The following TMEM108 variants were observed in gnomAD, a reference collection of about 807,000 sequenced individuals.
TMEM108 encodes cancer/testis antigen 124.
TMEM108 carries 12 observed loss-of-function variants against 35.1 expected under a neutral mutation model. The ratio of observed to expected loss-of-function variants is 0.34; its 90% CI spans 0.22 to 0.55. The LOEUF (loss-of-function observed/expected upper bound fraction) is 0.55, where lower values mean the gene tolerates loss of function less well. TMEM108 is among the 20% of genes least tolerant of loss of function. The pLI is 0.89. For missense variants in TMEM108, 680 were observed against 753.3 expected (o/e 0.90, Z 1.14); for synonymous variants, 287 against 308.6 (o/e 0.93, Z 0.73).
At chr3:133,341,384 A>C (rs2071657875) in intron 3 of TMEM108, among the ~76,000 whole-genome samples, 1 of 151,934 alleles carries the variant, frequency 6.6e-6, no homozygotes, top group South Asian at 2.1e-4. Context: ...TTAATGCAAG[A>C]AATTGAAGAG....
intron 2 of TMEM108, among the ~76,000 whole-genome samples, chr3:133,223,002 T>C (rs534499095): frequency 1.1e-4 from 17 of 152,258 alleles, no homozygotes; most frequent in African/African-American, 3.6e-4. Context: ...TAAATTTTTT[T>C]TGTAGAAATG....
At chr3:133,199,763 G>A (rs138605006) in intron 2 of TMEM108, among the ~76,000 whole-genome samples, 6,621 of 152,218 alleles carry the variant, frequency 0.043, 174 homozygotes, top group Non-Finnish European at 0.062. Context: ...CTCAAACTCC[G>A]TGCTGGGAGA....
chr3:133,111,023 A>G (rs1195576640), intron 2 of TMEM108, among the ~76,000 whole-genome samples: 1 of 152,170 alleles, frequency 6.6e-6, no homozygotes, highest in Non-Finnish European at 1.5e-5. Context: ...CTGTTGACCC[A>G]GCTTGTCTCT....
chr3:133,234,255 A>AT (rs1946199404), intron 3 of TMEM108, among the ~76,000 whole-genome samples: 3 of 152,146 alleles, frequency 2.0e-5, no homozygotes, highest in Admixed American at 6.6e-5. Flanking sequence ...AGCTTTCTAC[A>AT]TATGGCTAGC....
rs1255308187 is a variant in TMEM108, at chr3:133,380,507, CCCA to C, written c.805_807del (p.Thr269del). The C allele has an allele frequency of 1.9e-6, 3 of 1,613,894 alleles. No homozygotes were observed. The highest frequency in any genetic ancestry group is 1.7e-5 in the Admixed American group (1 of 60,018). On this transcript the variant is annotated inframe_deletion, in exon 4 of 6. Transcript: ENST00000321871. This position sits in a 1 kb window ranked among gnomAD's most constrained non-coding sequence, Gnocchi z 5.3. ...AGTGCCCAGCAATACCTCATGGGCA[CCCA>C]CCACCACCTCCCTGGGGCCTGCAAA... is the stretch of plus-strand genomic sequence containing the variant.
chr3:133,372,631 G>A (rs764150479), intron 3 of TMEM108, among the ~76,000 whole-genome samples: 1 of 152,200 alleles, frequency 6.6e-6, no homozygotes, highest in South Asian at 2.1e-4. Context: ...TGTACTCTGG[G>A]AAGCAGTTTC....
intron 2 of TMEM108, among the ~76,000 whole-genome samples, chr3:133,086,289 C>T (rs1042316095): frequency 2.0e-4 from 31 of 152,002 alleles, no homozygotes; most frequent in African/African-American, 6.5e-4. Context: ...CTTAATCTCT[C>T]GAGCATTTGA....
chr3:133,296,477 G>A (rs558667854), intron 3 of TMEM108, among the ~76,000 whole-genome samples: 18 of 151,994 alleles, frequency 1.2e-4, no homozygotes, highest in African/African-American at 3.4e-4. Context: ...ATATCAACTA[G>A]CCAGGCTAAC....
At chr3:133,261,270 T>G (rs1452321986) in intron 3 of TMEM108, among the ~76,000 whole-genome samples, 2 of 152,220 alleles carry the variant, frequency 1.3e-5, no homozygotes, top group African/African-American at 2.4e-5. Flanking sequence ...CTTATGGGAA[T>G]TTTCACAAAC....
chr3:133,251,509 T>C (rs1946470829), intron 3 of TMEM108, among the ~76,000 whole-genome samples: 1 of 152,164 alleles, frequency 6.6e-6, no homozygotes, highest in South Asian at 2.1e-4. Context: ...TTCCCACTCA[T>C]AGGAAATTTC....
At chr3:133,371,535 A>G (rs566080686) in intron 3 of TMEM108, among the ~76,000 whole-genome samples, 2 of 149,510 alleles carry the variant, frequency 1.3e-5, no homozygotes, top group East Asian at 4.0e-4. Flanking sequence ...CCACAAGAAA[A>G]CCAAGAAGTA....
Position 133,313,475 on chromosome 3 carries a change from G to A in TMEM108, c.41-66277G>A, listed in dbSNP as rs191112973. Among the ~76,000 whole-genome samples, 144 of 152,214 alleles carry A rather than the reference G, an allele frequency of 9.5e-4. 1 individual carries two copies. Among genetic ancestry groups the A allele is most frequent in the African/African-American group, 3.0e-3 (123 of 41,526 alleles). On this transcript the variant is annotated intron_variant, in intron 3 of 5. Coordinates refer to ENST00000321871, the MANE Select transcript of TMEM108 (RefSeq NM_023943.4). Reference sequence around the variant, plus strand: ...GCTGGGATTACAGGCGTGAGCCACCGCGCCTGGCCAAATTTTTTAATAATT... The same window carrying A: ...GCTGGGATTACAGGCGTGAGCCACCACGCCTGGCCAAATTTTTTAATAATT...
chr3:133,260,854 T>C (rs1357767740), intron 3 of TMEM108, among the ~76,000 whole-genome samples: 1 of 152,092 alleles, frequency 6.6e-6, no homozygotes, highest in Non-Finnish European at 1.5e-5. Context: ...TGGGGCAATA[T>C]GAGAATCAGG....
intron 4 of TMEM108, chr3:133,388,958 C>A: frequency 6.1e-6 from 6 of 985,596 alleles, no homozygotes; most frequent in Non-Finnish European, 7.2e-6. Flanking sequence ...GGGACCCCGA[C>A]TCCCCAGCAC....
At position 133,386,341 on chromosome 3, in the gene TMEM108, G is replaced by A. The variant is rs981118018; in HGVS notation, c.1451-3839G>A. 5.0e-5 allele frequency: 74 copies of A among 1,492,578 alleles called. No individual in the cohort carries two copies. The Admixed American group carries it at 1.1e-3, about 21-fold the overall frequency. The allele number at this position is 1,492,578 out of a possible 1,614,324, so 92.5% of individuals were successfully genotyped here. ...TTGCAATGCCTGCTCAAACAGGCCC[G>A]GGAAAGAGCAATTCAATAGTTGTTT... On this transcript the variant is annotated intron_variant, in intron 4 of 5. Coordinates refer to ENST00000321871, the MANE Select transcript of TMEM108 (RefSeq NM_023943.4).
chr3:133,044,361 A>T (rs916609997), intron 1 of TMEM108, among the ~76,000 whole-genome samples: 3 of 152,092 alleles, frequency 2.0e-5, no homozygotes, highest in Admixed American at 6.5e-5. Flanking sequence ...AAATCCTGTG[A>T]CTCTAAGAAA....
chr3:133,127,937 C>T (rs1944438735), intron 2 of TMEM108, among the ~76,000 whole-genome samples: 1 of 152,166 alleles, frequency 6.6e-6, no homozygotes, highest in Non-Finnish European at 1.5e-5. Flanking sequence ...TTCCTGTTCA[C>T]CTAGGTAGGT....
chr3:133,167,007 C>G (rs937197308), intron 2 of TMEM108, among the ~76,000 whole-genome samples: 3 of 152,184 alleles, frequency 2.0e-5, no homozygotes, highest in Non-Finnish European at 4.4e-5. Context: ...AAAAGTTCTC[C>G]AAGTCCCCAC....
intron 2 of TMEM108, among the ~76,000 whole-genome samples, chr3:133,134,446 A>G (rs185919822): frequency 6.6e-6 from 1 of 152,062 alleles, no homozygotes; most frequent in Non-Finnish European, 1.5e-5. Context: ...CTTAATTGCC[A>G]TGTGTGATAT....
Sources: gnomAD v4.1 joint callset for allele counts (sites outside exome capture counted in the v4.1 genomes callset) on GRCh38, gnomAD v4.1.1 for gene constraint, Gnocchi (gnomAD v3.1) non-coding constraint, MANE v1.5 for transcripts, NCBI Gene and HGNC (gene_info 2026-07-23, HGNC 2026-07-21) for gene names.